Variants in GRIK2 observed in about 807,000 individuals in gnomAD.
The protein encoded by GRIK2 is glutamate receptor ionotropic, kainate 2.
In GRIK2, 32 loss-of-function variants were observed where a neutral mutation model predicts 100.3. The observed-to-expected ratio is 0.32, with a 90% CI of 0.24 to 0.43. The LOEUF is 0.43. GRIK2 is among the 20% of genes least tolerant of loss of function. The probability of loss-of-function intolerance (pLI) is 1.00; values close to 1 mark genes in which losing one functional copy is unlikely to be tolerated. For synonymous variants in GRIK2, 417 were observed against 389.4 expected (o/e 1.07, Z -0.83); for missense variants, 843 against 1,114.9 (o/e 0.76, Z 3.47).
At chr6:101,571,111 C>T (rs535037690) in intron 2 of GRIK2, among the ~76,000 whole-genome samples, 2 of 152,090 alleles carry the variant, frequency 1.3e-5, no homozygotes, top group South Asian at 4.2e-4. Flanking sequence ...AGAAAACTGT[C>T]ATCTTAGAAT....
chr6:101,732,200 A>C (rs1455925507), intron 7 of GRIK2, among the ~76,000 whole-genome samples: 1 of 151,884 alleles, frequency 6.6e-6, no homozygotes, highest in African/African-American at 2.4e-5. Context: ...TAATCAATTG[A>C]TCTAGTCCTT....
intron 2 of GRIK2, among the ~76,000 whole-genome samples, chr6:101,609,782 T>C (rs989891116): frequency 2.4e-4 from 36 of 151,668 alleles, no homozygotes; most frequent in African/African-American, 8.5e-4. Context: ...GAACCATGTA[T>C]GGTAATAGAA....
intron 2 of GRIK2, among the ~76,000 whole-genome samples, chr6:101,597,496 G>A (rs115956009): frequency 6.6e-6 from 1 of 151,698 alleles, no homozygotes; most frequent in South Asian, 2.1e-4. Flanking sequence ...ATTATTTAAG[G>A]TCTTTAGTAG....
intron 12 of GRIK2, among the ~76,000 whole-genome samples, chr6:101,914,470 G>C (rs554405678): frequency 9.2e-5 from 14 of 151,586 alleles, no homozygotes; most frequent in African/African-American, 2.9e-4. Flanking sequence ...TCGGCAAGGG[G>C]CTATTCCAAG....
chr6:101,825,412 G>T (rs930839349), intron 10 of GRIK2, among the ~76,000 whole-genome samples: 1 of 152,030 alleles, frequency 6.6e-6, no homozygotes, highest in Non-Finnish European at 1.5e-5. Context: ...AACTATTGAT[G>T]GTGGTAGAGA....
chr6:101,538,972 C>T (rs373256673), intron 2 of GRIK2, among the ~76,000 whole-genome samples: 2 of 151,104 alleles, frequency 1.3e-5, no homozygotes, highest in African/African-American at 2.4e-5. Flanking sequence ...ATAATTTGAA[C>T]GTGTCAGATA....
At chr6:101,444,890 A>G (rs1446946307) in intron 2 of GRIK2, among the ~76,000 whole-genome samples, 1 of 152,088 alleles carries the variant, frequency 6.6e-6, no homozygotes, top group Non-Finnish European at 1.5e-5. Context: ...CCCTGGGGCC[A>G]GTCCACCGCA....
At chr6:101,984,823 T>G (rs1490273925) in intron 14 of GRIK2, among the ~76,000 whole-genome samples, 1 of 151,776 alleles carries the variant, frequency 6.6e-6, no homozygotes, top group Non-Finnish European at 1.5e-5. Context: ...AACTACATTT[T>G]AGTACAGCAA....
chr6:101,802,441 ATTTCAGTGAGCTTAT>A lies in GRIK2; in HGVS notation c.1203+6_1203+20del, dbSNP rs746551641. On this transcript the variant is annotated splice_donor_5th_base_variant and intron_variant, in intron 9 of 16. Coordinates refer to ENST00000369134, the MANE Select transcript of GRIK2 (RefSeq NM_021956.5). ...TGAAGGAAGAAGGTCTAGAAAAGGTATTTCAGTGAGCTTATTTGCTTTAATTACTAAATGAAACAT... is the reference window on the plus strand; with the variant it reads ...TGAAGGAAGAAGGTCTAGAAAAGGTATTGCTTTAATTACTAAATGAAACAT... The A allele has an allele frequency of 1.5e-6, 2 of 1,343,864 alleles. No homozygotes were observed. Among genetic ancestry groups the A allele is most frequent in the East Asian group, 2.4e-5 (1 of 41,848 alleles). The allele number at this position is 1,343,864 out of a possible 1,614,324, so 83.2% of individuals were successfully genotyped here.
chr6:102,023,950 A>G (rs1769560795), intron 14 of GRIK2, among the ~76,000 whole-genome samples: 1 of 151,414 alleles, frequency 6.6e-6, no homozygotes, highest in Admixed American at 6.6e-5. Flanking sequence ...TTTAATGCGC[A>G]TGAGGCTCCA....
chr6:101,856,251 C>T (rs752553174), intron 10 of GRIK2, among the ~76,000 whole-genome samples: 7 of 152,074 alleles, frequency 4.6e-5, no homozygotes, highest in East Asian at 1.9e-4. Context: ...TGATGACTCA[C>T]AAATCAGTTT....
intron 7 of GRIK2, among the ~76,000 whole-genome samples, chr6:101,692,256 A>G (rs568771154): frequency 2.0e-5 from 3 of 152,274 alleles, no homozygotes; most frequent in East Asian, 1.9e-4. Context: ...GATCAAACCA[A>G]CTCAACATTT....
chr6:101,959,657 C>T (rs1792161196), intron 14 of GRIK2, among the ~76,000 whole-genome samples: 1 of 151,876 alleles, frequency 6.6e-6, no homozygotes. Context: ...TTTCTATTCC[C>T]TTGAGGGACT....
chr6:101,409,766 C>T (rs556734698), intron 2 of GRIK2, among the ~76,000 whole-genome samples: 1 of 151,778 alleles, frequency 6.6e-6, no homozygotes, highest in East Asian at 1.9e-4. Context: ...GTGTAGAGCT[C>T]TGAGTTTATT....
chr6:101,960,521 G>C (rs1286277035), intron 14 of GRIK2, among the ~76,000 whole-genome samples: 2 of 152,068 alleles, frequency 1.3e-5, no homozygotes, highest in Non-Finnish European at 2.9e-5. Context: ...TCTCTTGAGG[G>C]CGTAACTGTA....
At chr6:101,907,632 T>C (rs2791762) in intron 12 of GRIK2, among the ~76,000 whole-genome samples, 142,578 of 151,680 alleles carry the variant, frequency 0.94, 67,031 homozygotes, top group Middle Eastern at 0.96. Flanking sequence ...AGGACTTTAA[T>C]ACTCGTAGCT....
intron 7 of GRIK2, among the ~76,000 whole-genome samples, chr6:101,726,140 C>T (rs1432370690): frequency 1.3e-5 from 2 of 151,898 alleles, no homozygotes; most frequent in Non-Finnish European, 2.9e-5. Context: ...TTGTAATTTT[C>T]TCTTTATAGG....
At chr6:101,672,082 G>A (rs975199726) in intron 4 of GRIK2, among the ~76,000 whole-genome samples, 1 of 152,060 alleles carries the variant, frequency 6.6e-6, no homozygotes, top group Non-Finnish European at 1.5e-5. Flanking sequence ...ATATGGCTAG[G>A]ATGGATGCTC....
At chr6:101,422,279 T>C (rs1016445043) in intron 2 of GRIK2, among the ~76,000 whole-genome samples, 9 of 152,168 alleles carry the variant, frequency 5.9e-5, no homozygotes, top group African/African-American at 2.2e-4. Context: ...ATGAAATCAA[T>C]GCAAGCTGCT....
Sources: gnomAD v4.1 joint callset for allele counts (sites outside exome capture counted in the v4.1 genomes callset) on GRCh38, gnomAD v4.1.1 for gene constraint, MANE v1.5 for transcripts, NCBI Gene and HGNC (gene_info 2026-07-23, HGNC 2026-07-21) for gene names.